Variants in EPHB1 observed in about 807,000 individuals in gnomAD.
EPHB1 encodes the protein ephrin type-B receptor 1.
A neutral mutation model predicts 94.4 loss-of-function variants in EPHB1; 30 were observed. That is an observed-to-expected ratio of 0.32 (90% CI 0.24 to 0.43). The LOEUF is 0.43. Ranked by LOEUF, EPHB1 falls within the 20% of genes least tolerant of loss-of-function variation. The pLI is 1.00. For synonymous variants in EPHB1, 522 were observed against 489.1 expected, an observed-to-expected ratio of 1.07 and a Z score of -0.89; for missense variants, 1,055 against 1,308.3, an observed-to-expected ratio of 0.81 and a Z score of 2.99.
chr3:134,799,585 C>T (rs1163615996), intron 1 of EPHB1, among the ~76,000 whole-genome samples: 5 of 152,168 alleles, frequency 3.3e-5, no homozygotes, highest in Non-Finnish European at 7.3e-5. Flanking sequence ...ACTGCAGAGG[C>T]CCAGACTCAG....
intron 12 of EPHB1, among the ~76,000 whole-genome samples, chr3:135,203,479 A>T (rs1942812073): frequency 6.6e-6 from 1 of 152,216 alleles, no homozygotes; most frequent in African/African-American, 2.4e-5. Flanking sequence ...CTTTTTCTCA[A>T]ACGGCCATCT....
intron 3 of EPHB1, among the ~76,000 whole-genome samples, chr3:134,963,838 A>T (rs1044787548): frequency 3.9e-5 from 6 of 152,252 alleles, no homozygotes; most frequent in African/African-American, 1.4e-4. Flanking sequence ...AAGAAAAGTC[A>T]TCAGAATTTG....
intron 1 of EPHB1, among the ~76,000 whole-genome samples, chr3:134,871,843 C>T (rs2037505903): frequency 6.6e-6 from 1 of 152,176 alleles, no homozygotes; most frequent in Admixed American, 6.5e-5. Flanking sequence ...GTAAGTGGCA[C>T]TATGTTCTAC....
intron 4 of EPHB1, among the ~76,000 whole-genome samples, chr3:135,129,106 C>G (rs1383513891): frequency 6.6e-6 from 1 of 151,690 alleles, no homozygotes; most frequent in Non-Finnish European, 1.5e-5. Flanking sequence ...GATGCATTTG[C>G]TCTGAAAAGC....
chr3:135,010,526 G>C (rs1476058983), intron 3 of EPHB1, among the ~76,000 whole-genome samples: 1 of 150,432 alleles, frequency 6.6e-6, no homozygotes, highest in Non-Finnish European at 1.5e-5. Context: ...CAGTGAGTCT[G>C]AGGTGGGCCC....
At chr3:135,258,834 G>C (rs1156746093) in intron 15 of EPHB1, among the ~76,000 whole-genome samples, 178 bp from the exon 16 acceptor site, 2 of 152,210 alleles carry the variant, frequency 1.3e-5, no homozygotes, top group Admixed American at 6.5e-5. Flanking sequence ...AGAGAAGAAG[G>C]AGAAAGTGAG....
chr3:134,805,015 T>A (rs2036010166), intron 1 of EPHB1, among the ~76,000 whole-genome samples: 1 of 152,224 alleles, frequency 6.6e-6, no homozygotes, highest in African/African-American at 2.4e-5. Context: ...TTAATTGTTC[T>A]GTTGTTTTCC....
intron 10 of EPHB1, among the ~76,000 whole-genome samples, chr3:135,183,020 C>G: frequency 1.6e-5 from 1 of 62,018 alleles, no homozygotes. Flanking sequence ...CTTTTCTTTT[C>G]TTTTCTTTTC....
At chr3:135,014,909 C>T (rs746704514) in intron 3 of EPHB1, among the ~76,000 whole-genome samples, 8 of 152,182 alleles carry the variant, frequency 5.3e-5, no homozygotes, top group Non-Finnish European at 1.2e-4. Flanking sequence ...GTTTTACTTT[C>T]CTTTCTTCTT....
intron 3 of EPHB1, among the ~76,000 whole-genome samples, chr3:135,088,861 T>C (rs1268937206): frequency 6.6e-6 from 1 of 152,226 alleles, no homozygotes; most frequent in African/African-American, 2.4e-5. Context: ...ACTCAACATA[T>C]TATCATTTTA....
At chr3:134,983,012 T>C (rs1408356648) in intron 3 of EPHB1, among the ~76,000 whole-genome samples, 1 of 152,216 alleles carries the variant, frequency 6.6e-6, no homozygotes. Context: ...CAATCTGCAA[T>C]CCCATGCTGT....
At chr3:134,857,553 C>T (rs2037150056) in intron 1 of EPHB1, among the ~76,000 whole-genome samples, 1 of 152,086 alleles carries the variant, frequency 6.6e-6, no homozygotes, top group Admixed American at 6.5e-5. Context: ...TGCCTCTGAG[C>T]AGGGTAAAGG....
intron 3 of EPHB1, among the ~76,000 whole-genome samples, chr3:134,954,746 A>T (rs1190165741): frequency 2.0e-5 from 3 of 152,226 alleles, no homozygotes; most frequent in Non-Finnish European, 2.9e-5. Context: ...CTGCATGGAA[A>T]CAGAACAGAC....
intron 2 of EPHB1, among the ~76,000 whole-genome samples, chr3:134,946,250 C>T (rs534655382): frequency 6.6e-6 from 1 of 152,210 alleles, no homozygotes; most frequent in Admixed American, 6.5e-5. Flanking sequence ...TTTAAAAGCT[C>T]GGCTCTGATC....
intron 6 of EPHB1, among the ~76,000 whole-genome samples, chr3:135,156,261 G>A (rs6439559): frequency 0.18 from 26,894 of 151,786 alleles, 2,525 homozygotes; most frequent in Middle Eastern, 0.28. Context: ...GGAGGGGACC[G>A]GGTGAAGATA....
chr3:135,181,492 C>G (rs1409873522), intron 10 of EPHB1, among the ~76,000 whole-genome samples: 2 of 152,198 alleles, frequency 1.3e-5, no homozygotes, highest in Admixed American at 1.3e-4. Flanking sequence ...CAGATTTCTC[C>G]AGTAAACATC....
chr3:134,970,953 C>G (rs1933949447), intron 3 of EPHB1, among the ~76,000 whole-genome samples: 1 of 152,174 alleles, frequency 6.6e-6, no homozygotes, highest in African/African-American at 2.4e-5. Flanking sequence ...CCTTTTCTCA[C>G]CCCGATACCT....
At chr3:135,249,186 A>G (rs1362987792) in intron 14 of EPHB1, 150 bp from the exon 15 acceptor site, 1 of 891,410 alleles carries the variant, frequency 1.1e-6, no homozygotes, top group African/African-American at 1.7e-5. Context: ...TTAGGATTCC[A>G]TGAAGAAGAA....
In EPHB1 at chr3:134,824,613, C is replaced by G. The variant is rs112423534; in HGVS notation, c.58+28924C>G. On this transcript the variant is annotated intron_variant, in intron 1 of 15. Coordinates refer to ENST00000398015, the MANE Select transcript of EPHB1 (RefSeq NM_004441.5). Reference sequence around the variant, plus strand: ...TTCCTCCCCTTAAGTATGGATTGGACTTGATGACTTGCTTGACCAGTAAAA... The same window carrying G: ...TTCCTCCCCTTAAGTATGGATTGGAGTTGATGACTTGCTTGACCAGTAAAA... Among the ~76,000 whole-genome samples the G allele has an allele frequency of 3.5e-3, 528 of 152,272 alleles. 3 individuals carry two copies. Among genetic ancestry groups the G allele is most frequent in the African/African-American group, 0.012 (503 of 41,550 alleles).
Sources: gnomAD v4.1 joint callset for allele counts (sites outside exome capture counted in the v4.1 genomes callset) on GRCh38, gnomAD v4.1.1 for gene constraint, MANE v1.5 for transcripts, NCBI Gene and HGNC (gene_info 2026-07-23, HGNC 2026-07-21) for gene names.